SLIT1: variants seen among roughly 807,000 people sequenced by gnomAD.
SLIT1 encodes slit guidance ligand 1.
SLIT1 carries 66 observed loss-of-function variants against 186.1 expected under a neutral mutation model. The ratio of observed to expected loss-of-function variants is 0.35; its 90% CI spans 0.29 to 0.44. The LOEUF (loss-of-function observed/expected upper bound fraction) is 0.44. Among genes scored for constraint, SLIT1 ranks in the 20% least tolerant of loss-of-function variants. SLIT1 has a pLI of 1.00. For synonymous variants in SLIT1, 761 were observed against 833.8 expected, an observed-to-expected ratio of 0.91 and a Z score of 1.50; for missense variants, 1,638 against 2,037.4, an observed-to-expected ratio of 0.80 and a Z score of 3.77.
intron 4 of SLIT1, among the ~76,000 whole-genome samples, chr10:97,129,627 C>T (rs118120284): frequency 0.013 from 1,976 of 152,214 alleles, 136 homozygotes; most frequent in Admixed American, 0.11. Context: ...CATGCTGCTC[C>T]GCCATACCTT....
rs1248305975 is a variant in SLIT1 at position 97,047,049 on chromosome 10, C to T, written c.1651G>A (p.Glu551Lys). Residue 551 changes from glutamate to lysine, a missense_variant, in exon 17 of 37, where the codon GAG becomes AAG. Around this residue, in one of 3 missense-constraint regions of SLIT1, gnomAD observed 1,245 missense variants for 1,535.3 expected, o/e 0.81. Transcript: ENST00000266058. ...CCAGTGGCCTCCAGGATGGAAATCT[C>T]ATTGTTATTCAATCGCCTGTAAGAG... The part of the protein sequence containing the change: ...STAELRLNNN[E>K]ISILEATGMF... 1 of 1,609,456 alleles carries T rather than the reference C, an allele frequency of 6.2e-7. No individual in the cohort carries two copies. Among genetic ancestry groups the T allele is most frequent in the Non-Finnish European group, 8.5e-7 (1 of 1,175,862 alleles).
chr10:97,023,740 C>T (rs1214747677), intron 25 of SLIT1, among the ~76,000 whole-genome samples: 3 of 152,132 alleles, frequency 2.0e-5, no homozygotes, highest in African/African-American at 7.2e-5. Context: ...GTCAGGAGTT[C>T]GAGACCAGCC....
chr10:97,113,638 C>T (rs973977680), intron 4 of SLIT1, among the ~76,000 whole-genome samples: 6 of 151,442 alleles, frequency 4.0e-5, no homozygotes, highest in Non-Finnish European at 7.4e-5. Flanking sequence ...CTGCAACCTC[C>T]GCCTCCTGGG....
chr10:97,046,829 T>C, intron 17 of SLIT1, 32 bp from the exon 18 acceptor site: 2 of 1,606,490 alleles, frequency 1.2e-6, no homozygotes, highest in Non-Finnish European at 1.7e-6. Context: ...GGATTACATA[T>C]GGCCAGCAGC....
chr10:97,122,716 C>G (rs970726662), intron 4 of SLIT1, among the ~76,000 whole-genome samples: 16 of 152,142 alleles, frequency 1.1e-4, no homozygotes, highest in African/African-American at 3.9e-4. Flanking sequence ...TGTATTCATT[C>G]AACAAATGTT....
rs561525499 is a variant in SLIT1, at chr10:97,056,213, A to G, written c.1301+108T>C. The G allele has an allele frequency of 2.8e-4, 355 of 1,272,796 alleles. 4 individuals carry two copies. In the East Asian group the frequency reaches 7.3e-3, roughly 26 times the overall value. The allele number at this position is 1,272,796 out of a possible 1,614,324, so 78.8% of individuals were successfully genotyped here. A position where few individuals can be genotyped will look rare whatever the true frequency, so the allele number is the denominator to read the frequency against. On this transcript the variant is annotated intron_variant, in intron 13 of 36. Coordinates refer to ENST00000266058, the MANE Select transcript of SLIT1 (RefSeq NM_003061.3). The stretch of plus-strand genomic sequence containing the variant: ...CCTTCCTCTGTAAGAGGCCACCCCC[A>G]GTGAGCACAGCAGCCCAGAGCCGGA...
chr10:97,172,384 A>G (rs1240570729), intron 1 of SLIT1, among the ~76,000 whole-genome samples: 5 of 152,084 alleles, frequency 3.3e-5, no homozygotes. Flanking sequence ...TCCCTGACTG[A>G]TGTCCCAGCC....
intron 35 of SLIT1, 145 bp downstream of exon 35, chr10:97,002,559 T>C (rs1039639633): frequency 1.2e-6 from 1 of 844,046 alleles, no homozygotes. Flanking sequence ...GTCCTATTAA[T>C]AAAAAGTGAA....
rs1017163883 is a variant in SLIT1 at position 97,010,417 on chromosome 10, G to A, written c.3341+576C>T. On this transcript the variant is annotated intron_variant, in intron 31 of 36. Transcript: ENST00000266058. This position sits in a 1 kb window ranked among gnomAD's most constrained non-coding sequence, Gnocchi z 4.8. ...TTGCCTGGAGCTGGGATAGAAGAGG[G>A]GCTGGTGTGACAGATAAAGGGTATG... Among the ~76,000 whole-genome samples the A allele has an allele frequency of 2.0e-5, 3 of 152,208 alleles. No individual in the cohort carries two copies. Among genetic ancestry groups the A allele is most frequent in the Non-Finnish European group, 4.4e-5 (3 of 68,042 alleles).
chr10:97,184,018 CCACACACACA>C lies in SLIT1; in HGVS notation c.197+1450_197+1459del, dbSNP rs36000443. ...ATTCACACACACACATACACATGCACCACACACACACACACACACACACACACACACACAC... is the reference window on the plus strand; with the variant it reads ...ATTCACACACACACATACACATGCACCACACACACACACACACACACACAC... On this transcript the variant is annotated intron_variant, in intron 1 of 36. Transcript: ENST00000266058. The surrounding 1 kb of genome is among the most constrained non-coding windows in gnomAD (Gnocchi z 4.4). 6.3e-3 allele frequency among the ~76,000 whole-genome samples: 901 copies of C among 142,472 alleles called. 2 individuals are homozygous for C. Among genetic ancestry groups the C allele is most frequent in the South Asian group, 8.9e-3 (38 of 4,268 alleles). The allele number at this position is 142,472 out of a possible 152,430, so 93.5% of individuals were successfully genotyped here. A position where few individuals can be genotyped will look rare whatever the true frequency, so the allele number is the denominator to read the frequency against.
At chr10:97,055,358 T>C (rs1278013401) in intron 13 of SLIT1, among the ~76,000 whole-genome samples, 1 of 152,168 alleles carries the variant, frequency 6.6e-6, no homozygotes, top group South Asian at 2.1e-4. Context: ...GGGTTCACCA[T>C]ACATAGCACT....
chr10:97,014,192 C>T, intron 28 of SLIT1, 34 bp from the exon 29 acceptor site: 1 of 1,609,854 alleles, frequency 6.2e-7, no homozygotes, highest in Non-Finnish European at 8.5e-7. Context: ...AGAGACAGCC[C>T]TCTTGGAACA....
chr10:97,091,804 CA>C (rs1849235222), intron 4 of SLIT1, among the ~76,000 whole-genome samples: 1 of 152,186 alleles, frequency 6.6e-6, no homozygotes, highest in African/African-American at 2.4e-5. Context: ...CCCCTCTGTC[CA>C]ATGCCAAGCC....
intron 21 of SLIT1, among the ~76,000 whole-genome samples, chr10:97,039,461 G>C (rs1229282296): frequency 6.6e-6 from 1 of 152,216 alleles, no homozygotes; most frequent in African/African-American, 2.4e-5. Context: ...TTTCTTGGAA[G>C]ACCATCAGGC....
chr10:97,006,725 G>A lies in SLIT1; in HGVS notation c.3342-5C>T, dbSNP rs1362325897. On this transcript the variant is annotated splice_polypyrimidine_tract_variant and splice_region_variant and intron_variant, in intron 31 of 36. Transcript: ENST00000266058. This position sits in a 1 kb window ranked among gnomAD's most constrained non-coding sequence, Gnocchi z 4.0. ...GGGATCTCACAGAGCTGTCCACTGAGAGGAAAGGACATAAGTCAGAGAGGG... is the reference window on the plus strand; with the variant it reads ...GGGATCTCACAGAGCTGTCCACTGAAAGGAAAGGACATAAGTCAGAGAGGG... 10 of 1,606,484 alleles carry A rather than the reference G, an allele frequency of 6.2e-6. No homozygotes were observed. Among genetic ancestry groups the A allele is most frequent in the Non-Finnish European group, 8.5e-6 (10 of 1,173,412 alleles).
intron 4 of SLIT1, among the ~76,000 whole-genome samples, chr10:97,151,603 G>A (rs1266538587): frequency 1.3e-5 from 2 of 151,970 alleles, no homozygotes; most frequent in South Asian, 2.1e-4. Flanking sequence ...GGGGGTGGAT[G>A]GGTGAGGCAG....
At chr10:97,116,147 G>C (rs541969494) in intron 4 of SLIT1, among the ~76,000 whole-genome samples, 57 of 152,294 alleles carry the variant, frequency 3.7e-4, no homozygotes, top group African/African-American at 1.2e-3. Context: ...ATAATATATG[G>C]AGAGTCCTGG....
rs114073689 is a variant in SLIT1 at position 97,132,637 on chromosome 10, C to G, written c.413+25181G>C. Among the ~76,000 whole-genome samples, 695 of 152,312 alleles carry G rather than the reference C, an allele frequency of 4.6e-3. 2 individuals carry two copies. The highest frequency in any genetic ancestry group is 0.016 in the African/African-American group (656 of 41,564). ...GACAGAATCTAAAATGCCAAGGGCC[C>G]CAGCATTTCCAGGGGTCAGCCACCC... On this transcript the variant is annotated intron_variant, in intron 4 of 36. Coordinates refer to ENST00000266058, the MANE Select transcript of SLIT1 (RefSeq NM_003061.3).
chr10:97,034,567 T>C lies in SLIT1; in HGVS notation c.2367-25A>G, dbSNP rs761165739. ...CCTGGAAAAGGCAAAGGCATCATGATTTAGAAAGAACTCACTCAGCCCTGG... is the reference window on the plus strand; with the variant it reads ...CCTGGAAAAGGCAAAGGCATCATGACTTAGAAAGAACTCACTCAGCCCTGG... On this transcript the variant is annotated intron_variant, in intron 22 of 36. Coordinates refer to ENST00000266058, the MANE Select transcript of SLIT1 (RefSeq NM_003061.3). 9 of 1,601,302 alleles carry C rather than the reference T, an allele frequency of 5.6e-6. No individual in the cohort carries two copies. In the South Asian group the frequency reaches 9.9e-5, roughly 18 times the overall value.
Sources: allele counts gnomAD v4.1 joint callset (sites outside exome capture counted in the v4.1 genomes callset), GRCh38; gene constraint gnomAD v4.1.1; regional missense constraint gnomAD v4.1.1; non-coding constraint Gnocchi (gnomAD v3.1); transcripts MANE v1.5; gene names NCBI Gene and HGNC (gene_info 2026-07-23, HGNC 2026-07-21).